The following IQCE variants were observed in gnomAD, a reference collection of about 807,000 sequenced individuals.
The protein encoded by IQCE is IQ domain-containing protein E.
IQCE carries 115 observed loss-of-function variants against 96.0 expected under a neutral mutation model. The ratio of observed to expected loss-of-function variants is 1.20; its 90% CI spans 1.03 to 1.40. IQCE has a LOEUF of 1.40. IQCE is among the 40% of genes most tolerant of loss of function. The pLI is 0.00. For synonymous variants in IQCE, 412 were observed against 371.2 expected (o/e 1.11, Z -1.26); for missense variants, 1,041 against 909.1 (o/e 1.15, Z -1.87).
intron 8 of IQCE, 71 bp from the exon 9 acceptor site, chr7:2,582,509 C>A: frequency 7.7e-7 from 1 of 1,292,862 alleles, no homozygotes; most frequent in Non-Finnish European, 1.1e-6. Context: ...GGTGCTCTGG[C>A]AGGAGGGGAC....
chr7:2,579,509 A>C (rs890236317), intron 8 of IQCE, among the ~76,000 whole-genome samples: 1 of 152,244 alleles, frequency 6.6e-6, no homozygotes, highest in Non-Finnish European at 1.5e-5. Context: ...TCTCTAAAGA[A>C]AAAAGGCCGT....
Position 2,604,887 on chromosome 7 carries a change from G to T in IQCE, c.1639G>T (p.Val547Leu), listed in dbSNP as rs368309192. The T allele has an allele frequency of 6.2e-6, 10 of 1,613,324 alleles. No homozygotes were observed. In the East Asian group the frequency reaches 2.0e-4, roughly 32 times the overall value. Reference protein sequence around the residue: ...KKKAVLDEAAVVLQAAFRGHL... With the variant: ...KKKAVLDEAALVLQAAFRGHL... ...CTGCTTCCTTCCCTGACAGGCGGCT[G>T]TGGTGCTTCAGGCAGCTTTCAGGGG... The change falls in exon 19 of 22, where the codon GTG (valine) becomes TTG (leucine). Residue 547 changes from valine (V) to leucine (L), a missense_variant. By Grantham distance (32) the Val-to-Leu change is conservative. Transcript: ENST00000402050.
intron 1 of IQCE, among the ~76,000 whole-genome samples, chr7:2,563,773 A>G (rs1433157987): frequency 1.3e-5 from 2 of 150,412 alleles, no homozygotes; most frequent in East Asian, 3.9e-4. Flanking sequence ...AGGCGCCTGT[A>G]TTCCCAGTTA....
intron 20 of IQCE, 96 bp from the exon 21 acceptor site, chr7:2,607,028 C>G: frequency 8.7e-7 from 1 of 1,152,964 alleles, no homozygotes; most frequent in Non-Finnish European, 1.2e-6. Flanking sequence ...CATTGGAATA[C>G]TTGCCTCCAA....
In IQCE at chr7:2,611,374, G is replaced by A. The variant is rs907816692; in HGVS notation, c.*1212G>A. ...CAGCACCCCTGTGGGGACTCCTGCC[G>A]GGGCTGGCCGCTGTCTCAGGAGAGA... On this transcript the variant is annotated 3_prime_UTR_variant, in exon 22 of 22. Coordinates refer to ENST00000402050, the MANE Select transcript of IQCE (RefSeq NM_152558.5). 2.0e-5 allele frequency: 3 copies of A among 152,440 alleles called. No homozygotes were observed. Among genetic ancestry groups the A allele is most frequent in the East Asian group, 1.9e-4 (1 of 5,186 alleles). 9.4% of individuals were successfully genotyped at this position (152,440 alleles called of 1,614,324 possible). A position where few individuals can be genotyped will look rare whatever the true frequency, so the allele number is the denominator to read the frequency against.
intron 6 of IQCE, among the ~76,000 whole-genome samples, chr7:2,574,903 G>A (rs1364846015): frequency 6.6e-6 from 1 of 152,190 alleles, no homozygotes; most frequent in Non-Finnish European, 1.5e-5. Context: ...TACTGTCTCG[G>A]TTCAGTTCTG....
rs140452756 is a variant in IQCE, at chr7:2,597,560, C to T, written c.1441-905C>T. Among the ~76,000 whole-genome samples, 442 of 152,376 alleles carry T rather than the reference C, an allele frequency of 2.9e-3. 1 individual carries two copies. The highest frequency in any genetic ancestry group is 0.01 in the African/African-American group (426 of 41,588). On this transcript the variant is annotated intron_variant, in intron 16 of 21. Coordinates refer to ENST00000402050, the MANE Select transcript of IQCE (RefSeq NM_152558.5). ...CTCCGGGGAGGGCTTTCAGCAACAG[C>T]GTGCTCTCCACCGAGCTTGCATTCT...
At chr7:2,582,163 C>T (rs965472563) in intron 8 of IQCE, 1 of 434,438 alleles carries the variant, frequency 2.3e-6, no homozygotes, top group African/African-American at 2.0e-5. Flanking sequence ...GTCTCCCACC[C>T]TCACTCACTG....
intron 8 of IQCE, chr7:2,581,934 G>A (rs909705094): frequency 1.2e-5 from 4 of 339,906 alleles, no homozygotes; most frequent in Admixed American, 4.0e-5. Flanking sequence ...GGATGGTCTT[G>A]ATCTCCTGAC....
rs1247412170 is a variant in IQCE at position 2,559,025 on chromosome 7, G to T, written c.-157G>T. The T allele has an allele frequency of 2.7e-6, 1 of 371,346 alleles. No individual in the cohort carries two copies. Among genetic ancestry groups the T allele is most frequent in the Non-Finnish European group, 4.6e-6 (1 of 217,070 alleles). 23.0% of individuals were successfully genotyped at this position (371,346 alleles called of 1,614,324 possible). On this transcript the variant is annotated 5_prime_UTR_variant, in exon 1 of 22. Transcript: ENST00000402050. ...AGGGGGAACGCAGGTCGCTTACCCG[G>T]CTGGGTAGGTCGGCGGCCTGGTTGC...
At position 2,572,337 on chromosome 7, in the gene IQCE, C is replaced by G. The variant is rs376071259; in HGVS notation, c.394+11C>G. The G allele has an allele frequency of 2.5e-6, 4 of 1,612,464 alleles. No homozygotes were observed. In the African/African-American group the frequency reaches 5.3e-5, roughly 22 times the overall value. Reference sequence around the variant, plus strand: ...GCTCTGCCAGCAACGGTGAGCATGCCGATGGTGGCGAGGCTGAGGCCAAGG... The same window carrying G: ...GCTCTGCCAGCAACGGTGAGCATGCGGATGGTGGCGAGGCTGAGGCCAAGG... On this transcript the variant is annotated intron_variant, in intron 5 of 21. Coordinates refer to ENST00000402050, the MANE Select transcript of IQCE (RefSeq NM_152558.5).
At chr7:2,573,676 C>T (rs1327664100) in intron 6 of IQCE, among the ~76,000 whole-genome samples, 188 bp downstream of exon 6, 1 of 152,108 alleles carries the variant, frequency 6.6e-6, no homozygotes, top group Non-Finnish European at 1.5e-5. Context: ...GCCGTAGCAC[C>T]AGCACATAAA....
At position 2,610,486 on chromosome 7, in the gene IQCE, G is replaced by A; in HGVS notation, c.*324G>A. 1 of 245,752 alleles carries A rather than the reference G, an allele frequency of 4.1e-6. No individual in the cohort carries two copies. Among genetic ancestry groups the A allele is most frequent in the Non-Finnish European group, 8.0e-6 (1 of 125,128 alleles). The allele number at this position is 245,752 out of a possible 1,614,324, so 15.2% of individuals were successfully genotyped here. On this transcript the variant is annotated 3_prime_UTR_variant, in exon 22 of 22. Transcript: ENST00000402050. ...GTGACACGTTCTCTGACAGCACCTT[G>A]CCGCCTGCCCACGACCTTGACCGTG...
Position 2,565,153 on chromosome 7 carries a change from T to C in IQCE, c.37-1963T>C, listed in dbSNP as rs73674676. 1.4e-3 allele frequency among the ~76,000 whole-genome samples: 209 copies of C among 146,584 alleles called. 1 individual carries two copies. The highest frequency in any genetic ancestry group is 2.3e-3 in the Admixed American group (34 of 14,674). ...GTGTGAGTGTGTGTGTGTGTGTGTG[T>C]GCTGTGTATGGTTGTATTCTGCTGA... On this transcript the variant is annotated intron_variant, in intron 1 of 21. Transcript: ENST00000402050.
chr7:2,586,813 G>A (rs1424265480), intron 12 of IQCE, among the ~76,000 whole-genome samples: 5 of 152,232 alleles, frequency 3.3e-5, no homozygotes, highest in African/African-American at 1.2e-4. Flanking sequence ...TGGGACAGGC[G>A]GGGCAGAGCT....
chr7:2,584,653 A>T, intron 11 of IQCE: 1 of 217,408 alleles, frequency 4.6e-6, no homozygotes, highest in South Asian at 7.8e-5. Context: ...TTCCTAAATA[A>T]GTTTATCAGG....
chr7:2,598,876 A>G (rs1047251910), intron 17 of IQCE: 3 of 386,938 alleles, frequency 7.8e-6, no homozygotes, highest in Non-Finnish European at 1.4e-5. Context: ...GAACTATTCG[A>G]AAGTAAGTTT....
At position 2,594,900 on chromosome 7, in the gene IQCE, C is replaced by G. The variant is rs1783902104; in HGVS notation, c.1364C>G (p.Thr455Arg). ...REEVLREEIQ[T>R]LTSKLQELQE... Reference sequence around the variant, plus strand: ...TTCCGCCTTAGAGAGGAGATTCAGACACTTACCAGCAAGCTCCAAGAATTG... The same window carrying G: ...TTCCGCCTTAGAGAGGAGATTCAGAGACTTACCAGCAAGCTCCAAGAATTG... The change falls in exon 16 of 22, where the codon ACA becomes AGA. Residue 455 changes from threonine (T) to arginine (R), a missense_variant. By Grantham distance (71) the Thr-to-Arg change is moderately conservative (BLOSUM62 -1). Transcript: ENST00000402050. 6.2e-7 allele frequency: 1 copy of G among 1,612,948 alleles called. No homozygotes were observed. The highest frequency in any genetic ancestry group is 1.3e-5 in the African/African-American group (1 of 75,036).
At chr7:2,569,337 G>T (rs1246339263) in intron 3 of IQCE, among the ~76,000 whole-genome samples, 1 of 152,194 alleles carries the variant, frequency 6.6e-6, no homozygotes, top group East Asian at 1.9e-4. Context: ...TACCTCTTCT[G>T]AATGCTGCCA....
Sources: gnomAD v4.1 joint callset for allele counts (sites outside exome capture counted in the v4.1 genomes callset) on GRCh38, gnomAD v4.1.1 for gene constraint, MANE v1.5 for transcripts, NCBI Gene and HGNC (gene_info 2026-07-23, HGNC 2026-07-21) for gene names.